ZNF536: variants seen among roughly 807,000 people sequenced by gnomAD.
ZNF536 encodes zinc finger protein 536.
In ZNF536, 13 loss-of-function variants were observed where a neutral mutation model predicts 84.5. That is an observed-to-expected ratio of 0.15 (90% confidence interval 0.10 to 0.24). ZNF536 has a LOEUF of 0.24. ZNF536 is among the 10% of genes least tolerant of loss of function. The pLI, the probability that ZNF536 is intolerant of heterozygous loss-of-function variation, is 1.00. For synonymous variants in ZNF536, 811 were observed against 742.5 expected, an observed-to-expected ratio of 1.09 and a Z score of -1.50; for missense variants, 1,536 against 1,747.5, an observed-to-expected ratio of 0.88 and a Z score of 2.16.
chr19:30,485,165 A>AATAAATAAATAAATAC (rs1413063728), intron 2 of ZNF536, among the ~76,000 whole-genome samples: 6 of 151,696 alleles, frequency 4.0e-5, no homozygotes, highest in African/African-American at 1.2e-4. Context: ...TAAATAAATA[A>AATAAATAAATAAATAC]ATAAATACAT....
At chr19:30,341,135 A>C (rs2047552206) in intron 2 of ZNF536, among the ~76,000 whole-genome samples, 1 of 152,242 alleles carries the variant, frequency 6.6e-6, no homozygotes, top group East Asian at 1.9e-4. Context: ...TTTTAAGAGC[A>C]GTTTTTATAA....
chr19:30,451,162 C>T (rs1435536305), intron 2 of ZNF536, among the ~76,000 whole-genome samples: 1 of 152,244 alleles, frequency 6.6e-6, no homozygotes, highest in African/African-American at 2.4e-5. Context: ...TGGGGAATGT[C>T]AGATGGGGCA....
chr19:30,270,937 A>G (rs532275465), intron 1 of ZNF536, among the ~76,000 whole-genome samples: 133 of 146,726 alleles, frequency 9.1e-4, no homozygotes, highest in African/African-American at 3.2e-3. Context: ...GTGACATTGG[A>G]TTTTTTTTTT....
At chr19:30,546,628 CT>C (rs1414045081) in intron 3 of ZNF536, among the ~76,000 whole-genome samples, 1 of 152,224 alleles carries the variant, frequency 6.6e-6, no homozygotes, top group African/African-American at 2.4e-5. Flanking sequence ...AGTGAAATGT[CT>C]TCAGAAGACA....
At chr19:30,310,756 T>G (rs1235576686) in intron 2 of ZNF536, among the ~76,000 whole-genome samples, 2 of 152,172 alleles carry the variant, frequency 1.3e-5, no homozygotes, top group Non-Finnish European at 2.9e-5. Flanking sequence ...CCAGCCATTC[T>G]CAGACCATTG....
intron 1 of ZNF536, among the ~76,000 whole-genome samples, chr19:30,407,281 A>G (rs781352926): frequency 5.2e-4 from 79 of 152,178 alleles, no homozygotes; most frequent in Non-Finnish European, 8.7e-4. Context: ...ACATTACATA[A>G]TGAGCTGATT....
At chr19:30,307,301 A>C (rs1334565864) in intron 2 of ZNF536, among the ~76,000 whole-genome samples, 1 of 151,474 alleles carries the variant, frequency 6.6e-6, no homozygotes, top group African/African-American at 2.4e-5. Flanking sequence ...GAAATGAAAA[A>C]CTAGTCACTG....
downstream of ZNF536, among the ~76,000 whole-genome samples, chr19:30,561,369 T>G (rs1035487904): frequency 2.6e-5 from 4 of 152,114 alleles, no homozygotes; most frequent in African/African-American, 9.7e-5. Flanking sequence ...GTGGCCCCAG[T>G]GGATAATTAG....
intron 3 of ZNF536, among the ~76,000 whole-genome samples, chr19:30,536,006 T>C (rs2045062024): frequency 6.6e-6 from 1 of 152,058 alleles, no homozygotes; most frequent in African/African-American, 2.4e-5. Flanking sequence ...GAGGGAAGCC[T>C]GAGGACAGAT....
intron 1 of ZNF536, among the ~76,000 whole-genome samples, chr19:30,673,496 C>T (rs568158215): frequency 4.6e-5 from 7 of 152,180 alleles, no homozygotes; most frequent in Non-Finnish European, 7.3e-5. Flanking sequence ...ACGGGTCTCC[C>T]GCCCTGTGCC....
intron 1 of ZNF536, among the ~76,000 whole-genome samples, chr19:30,420,055 C>A (rs11084551): frequency 0.58 from 87,876 of 151,980 alleles, 26,377 homozygotes; most frequent in African/African-American, 0.66. Context: ...AGAAAGGGTG[C>A]AGGGCATCTG....
chr19:30,615,065 G>A (rs2048240489), intron 1 of ZNF536, among the ~76,000 whole-genome samples: 1 of 140,084 alleles, frequency 7.1e-6, no homozygotes, highest in South Asian at 2.5e-4. Flanking sequence ...TCCTGCCTCA[G>A]CCTCCCGTGT....
chr19:30,542,989 T>G (rs2045392766), intron 3 of ZNF536, among the ~76,000 whole-genome samples: 2 of 152,138 alleles, frequency 1.3e-5, no homozygotes, highest in South Asian at 4.1e-4. Flanking sequence ...TTTTTAAATT[T>G]TTTGTAGAAA....
intron 2 of ZNF536, among the ~76,000 whole-genome samples, chr19:30,316,900 A>T (rs1247648622): frequency 6.6e-6 from 1 of 152,204 alleles, no homozygotes; most frequent in Non-Finnish European, 1.5e-5. Flanking sequence ...GGCATGTAGC[A>T]TAAAGCCCTG....
At chr19:30,703,870 GA>G (rs1009669199) in intron 1 of ZNF536, among the ~76,000 whole-genome samples, 2 of 152,192 alleles carry the variant, frequency 1.3e-5, no homozygotes, top group Admixed American at 1.3e-4. Flanking sequence ...TCAAGGTGTG[GA>G]AATGGAAGCC....
intron 3 of ZNF536, among the ~76,000 whole-genome samples, chr19:30,354,735 C>G (rs2048038817): frequency 6.6e-6 from 1 of 152,100 alleles, no homozygotes; most frequent in African/African-American, 2.4e-5. Flanking sequence ...AATTTTGTCC[C>G]CTGGAGACCA....
chr19:30,351,425 A>G (rs1344422751), intron 2 of ZNF536, among the ~76,000 whole-genome samples: 1 of 152,250 alleles, frequency 6.6e-6, no homozygotes, highest in Non-Finnish European at 1.5e-5. Flanking sequence ...ATATAGGTCA[A>G]TTACATGCGC....
At chr19:30,473,066 C>CGTGGTG (rs1306800569) in intron 2 of ZNF536, among the ~76,000 whole-genome samples, 24 of 150,694 alleles carry the variant, frequency 1.6e-4, no homozygotes, top group Non-Finnish European at 2.7e-4. Context: ...ATTAGCCGGG[C>CGTGGTG]GTGGTGGCAC....
At chr19:30,658,881 C>T (rs144670326) in intron 1 of ZNF536, among the ~76,000 whole-genome samples, 22 of 152,338 alleles carry the variant, frequency 1.4e-4, no homozygotes, top group Non-Finnish European at 2.5e-4. Context: ...AGAAAATATA[C>T]AGAGACATAA....
Sources: gnomAD v4.1 joint callset for allele counts (sites outside exome capture counted in the v4.1 genomes callset) on GRCh38, gnomAD v4.1.1 for gene constraint, MANE v1.5 for transcripts, NCBI Gene and HGNC (gene_info 2026-07-23, HGNC 2026-07-21) for gene names.